Variants in CDH4 observed in about 807,000 individuals in gnomAD.
CDH4 encodes cadherin-4.
A neutral mutation model predicts 86.0 loss-of-function variants in CDH4; 33 were observed. That is an observed-to-expected ratio of 0.38 (90% CI 0.29 to 0.51). CDH4 has a LOEUF of 0.51. Among genes scored for constraint, CDH4 ranks in the 20% least tolerant of loss-of-function variants. The pLI, the probability that CDH4 is intolerant of heterozygous loss-of-function variation, is 0.86. For missense variants in CDH4, 1,114 were observed against 1,307.4 expected, an observed-to-expected ratio of 0.85 and a Z score of 2.28; for synonymous variants, 555 against 549.4, an observed-to-expected ratio of 1.01 and a Z score of -0.14.
rs148090185 is a variant in CDH4 at position 61,810,325 on chromosome 20, C to A, written c.577-34343C>A. 1.3e-4 allele frequency among the ~76,000 whole-genome samples: 20 copies of A among 152,328 alleles called. No homozygotes were observed. Among genetic ancestry groups the A allele is most frequent in the African/African-American group, 4.6e-4 (19 of 41,576 alleles). On this transcript the variant is annotated intron_variant, in intron 4 of 15. Transcript: ENST00000614565. The surrounding 1 kb of genome is among the most constrained non-coding windows in gnomAD (Gnocchi z 4.3). ...GCGGCTGTGCCAGGCTGTCGTCCCC[C>A]CCATGAGCCTGCTGTGTGTGTCTGT... is the stretch of plus-strand genomic sequence containing the variant.
chr20:61,563,212 C>G (rs907693617), intron 2 of CDH4, among the ~76,000 whole-genome samples: 2 of 152,256 alleles, frequency 1.3e-5, no homozygotes, highest in African/African-American at 4.8e-5. Flanking sequence ...GGCAGCTCTG[C>G]TCTTAGCTCT....
chr20:61,765,630 G>A (rs1312431381), intron 3 of CDH4, among the ~76,000 whole-genome samples: 4 of 152,196 alleles, frequency 2.6e-5, no homozygotes, highest in Non-Finnish European at 5.9e-5. Context: ...CAAGGAGGCC[G>A]AGTGTGAACA....
At chr20:61,624,363 GTCC>G (rs2086808788) in intron 2 of CDH4, among the ~76,000 whole-genome samples, 1 of 152,232 alleles carries the variant, frequency 6.6e-6, no homozygotes. Context: ...CAATGACCAA[GTCC>G]CAGCATCGGG....
chr20:61,718,458 G>A (rs780008931), intron 2 of CDH4: 2 of 247,340 alleles, frequency 8.1e-6, no homozygotes, highest in Non-Finnish European at 1.6e-5. Context: ...GAAGGAGGCA[G>A]GTGCCTGCTA....
In CDH4 at chr20:61,757,279, G is replaced by A. The variant is rs873414; in HGVS notation, c.396+13490G>A. ...AGGGGGCTCGAGTTTCGGGGGTGGTGGGCCGTCAGTATTAGGTTTCATGGC... is the reference window on the plus strand; with the variant it reads ...AGGGGGCTCGAGTTTCGGGGGTGGTAGGCCGTCAGTATTAGGTTTCATGGC... On this transcript the variant is annotated intron_variant, in intron 3 of 15. Coordinates refer to ENST00000614565, the MANE Select transcript of CDH4 (RefSeq NM_001794.5). 7.1e-3 allele frequency among the ~76,000 whole-genome samples: 1,087 copies of A among 152,264 alleles called. 20 individuals carry two copies. Among genetic ancestry groups the A allele is most frequent in the African/African-American group, 0.025 (1,041 of 41,558 alleles).
At chr20:61,673,208 G>C (rs1249612736) in intron 2 of CDH4, among the ~76,000 whole-genome samples, 3 of 152,146 alleles carry the variant, frequency 2.0e-5, no homozygotes, top group African/African-American at 7.2e-5. Context: ...GACCTCTAGA[G>C]CGCTGAGATG....
chr20:61,663,639 G>T lies in CDH4; in HGVS notation c.170-79924G>T, dbSNP rs1024950477. On this transcript the variant is annotated intron_variant, in intron 2 of 15. Transcript: ENST00000614565. This position sits in a 1 kb window ranked among gnomAD's most constrained non-coding sequence, Gnocchi z 5.0. ...GTGTGTCCAAGAGACCATCTTGGCT[G>T]CCCAGGGGAAGCGGGGACTCGAGGA... Among the ~76,000 whole-genome samples, 6 of 152,138 alleles carry T rather than the reference G, an allele frequency of 3.9e-5. No homozygotes were observed. Among genetic ancestry groups the T allele is most frequent in the Admixed American group, 3.3e-4 (5 of 15,274 alleles).
intron 2 of CDH4, among the ~76,000 whole-genome samples, chr20:61,572,866 T>TGGATGGATGGATGGATGGAC (rs1221730212): frequency 4.0e-5 from 6 of 150,482 alleles, no homozygotes; most frequent in African/African-American, 1.2e-4. Context: ...GATGGATGGA[T>TGGATGGATGGATGGATGGAC]GGACAGACAG....
intron 2 of CDH4, among the ~76,000 whole-genome samples, chr20:61,576,977 CAACAAGGG>C (rs1190706058): frequency 6.6e-6 from 1 of 152,210 alleles, no homozygotes; most frequent in Non-Finnish European, 1.5e-5. Flanking sequence ...AATTAAAAAG[CAACAAGGG>C]AACCCCAGCT....
At chr20:61,355,871 T>A (rs1240519185) in intron 2 of CDH4, among the ~76,000 whole-genome samples, 3 of 152,218 alleles carry the variant, frequency 2.0e-5, no homozygotes, top group Non-Finnish European at 4.4e-5. Context: ...CTTGAAAAAT[T>A]TCCTGCCTTC....
intron 2 of CDH4, among the ~76,000 whole-genome samples, chr20:61,683,697 G>A (rs2087544648): frequency 6.6e-6 from 1 of 152,210 alleles, no homozygotes; most frequent in Admixed American, 6.5e-5. Flanking sequence ...AAATGTGTTT[G>A]CTTGGAGGGG....
intron 2 of CDH4, among the ~76,000 whole-genome samples, chr20:61,654,629 C>T (rs144706083): frequency 0.01 from 1,574 of 152,254 alleles, 13 homozygotes; most frequent in South Asian, 0.033. Context: ...AGTCCATTTC[C>T]GAGGTTCGTT....
intron 9 of CDH4, among the ~76,000 whole-genome samples, chr20:61,918,692 C>G (rs112921926): frequency 3.3e-5 from 5 of 152,080 alleles, no homozygotes; most frequent in African/African-American, 9.7e-5. Flanking sequence ...GCGGTGATTG[C>G]GTGGAAGCGT....
At chr20:61,496,956 ATTTT>A (rs59603072) in intron 2 of CDH4, among the ~76,000 whole-genome samples, 3 of 108,592 alleles carry the variant, frequency 2.8e-5, no homozygotes, top group Non-Finnish European at 4.1e-5. Context: ...TTGGGGATTG[ATTTT>A]TTTTTTTTTT....
At chr20:61,368,852 A>G (rs1427278470) in intron 2 of CDH4, among the ~76,000 whole-genome samples, 2 of 152,192 alleles carry the variant, frequency 1.3e-5, no homozygotes, top group African/African-American at 2.4e-5. Flanking sequence ...CAAAGGTACT[A>G]AAACACCCCT....
chr20:61,539,324 C>T (rs985058056), intron 2 of CDH4, among the ~76,000 whole-genome samples: 25 of 152,320 alleles, frequency 1.6e-4, no homozygotes, highest in Middle Eastern at 3.4e-3. Context: ...AGCACCACTC[C>T]TTGGGGGCTT....
chr20:61,570,880 A>T (rs1389974888), intron 2 of CDH4: 10 of 677,278 alleles, frequency 1.5e-5, no homozygotes, highest in Non-Finnish European at 1.3e-5. Context: ...GGCTGTTAAG[A>T]AGTTTGTCAG....
chr20:61,424,623 G>A (rs997832897), intron 2 of CDH4, among the ~76,000 whole-genome samples: 2 of 152,156 alleles, frequency 1.3e-5, no homozygotes, highest in Non-Finnish European at 2.9e-5. Flanking sequence ...CCACTCCTAG[G>A]CCAGGGATGT....
chr20:61,607,149 A>G (rs958706066), intron 2 of CDH4, among the ~76,000 whole-genome samples: 1 of 152,228 alleles, frequency 6.6e-6, no homozygotes, highest in South Asian at 2.1e-4. Flanking sequence ...TGAATATACA[A>G]GTTGGATGAA....
Sources: gnomAD v4.1 joint callset for allele counts (sites outside exome capture counted in the v4.1 genomes callset) on GRCh38, gnomAD v4.1.1 for gene constraint, Gnocchi (gnomAD v3.1) non-coding constraint, MANE v1.5 for transcripts, NCBI Gene and HGNC (gene_info 2026-07-23, HGNC 2026-07-21) for gene names.